Variants in SDHAF2 observed in about 807,000 individuals in gnomAD.
SDHAF2 encodes the protein succinate dehydrogenase assembly factor 2, mitochondrial.
SDHAF2 carries 21 observed loss-of-function variants against 18.5 expected under a neutral mutation model. That is an observed-to-expected ratio of 1.13 (90% CI 0.80 to 1.63). The LOEUF (loss-of-function observed/expected upper bound fraction) is 1.63, where lower values mean the gene tolerates loss of function less well. Among genes scored for constraint, SDHAF2 ranks in the 40% most tolerant of loss-of-function variants. The pLI, the probability that SDHAF2 is intolerant of heterozygous loss-of-function variation, is 0.00. For missense variants in SDHAF2, 195 were observed against 200.3 expected (o/e 0.97, Z 0.16); for synonymous variants, 84 against 70.7 (o/e 1.19, Z -0.94).
At chr11:61,430,266 G>C in intron 1 of SDHAF2, 84 bp downstream of exon 1, 1 of 1,568,654 alleles carries the variant, frequency 6.4e-7, no homozygotes, top group Non-Finnish European at 8.8e-7. Context: ...CTATCTTGGG[G>C]AGAGTTCGTC....
At chr11:61,438,933 A>C (rs576534869) in intron 3 of SDHAF2, among the ~76,000 whole-genome samples, 1 of 152,222 alleles carries the variant, frequency 6.6e-6, no homozygotes, top group South Asian at 2.1e-4. Context: ...AGTCTCAGCT[A>C]CTTGGGAGGC....
intron 2 of SDHAF2, 76 bp from the exon 3 acceptor site, chr11:61,437,928 G>T: frequency 6.4e-6 from 10 of 1,554,134 alleles, no homozygotes; most frequent in Non-Finnish European, 8.0e-6. Flanking sequence ...CCAGGAGTAG[G>T]AGTCTTGGTG....
intron 3 of SDHAF2, among the ~76,000 whole-genome samples, chr11:61,442,521 T>C (rs1334788657): frequency 6.6e-6 from 1 of 152,228 alleles, no homozygotes; most frequent in Non-Finnish European, 1.5e-5. Flanking sequence ...TTCAATATTA[T>C]ATACATAGGT....
Position 61,438,221 on chromosome 11 carries a change from CT to C in SDHAF2, c.370+109del, listed in dbSNP as rs748245179. 2.5e-5 allele frequency: 20 copies of C among 815,386 alleles called. 1 individual carries two copies. The South Asian group carries it at 2.9e-4, about 12-fold the overall frequency. The allele number at this position is 815,386 out of a possible 1,614,324, so 50.5% of individuals were successfully genotyped here. A position where few individuals can be genotyped will look rare whatever the true frequency, so the allele number is the denominator to read the frequency against. On this transcript the variant is annotated intron_variant, in intron 3 of 3. Transcript: ENST00000301761. ...TTTTCTTTCTTTTTTTTTTTTGAGA[CT>C]GAGTTTCACTCTCGTTGCCCAGGCT...
At chr11:61,438,922 C>T (rs967909972) in intron 3 of SDHAF2, among the ~76,000 whole-genome samples, 6 of 151,954 alleles carry the variant, frequency 3.9e-5, no homozygotes, top group African/African-American at 1.5e-4. Flanking sequence ...CGGACAACTG[C>T]AGTCTCAGCT....
At chr11:61,432,216 A>G (rs960743938) in intron 1 of SDHAF2, 1 of 152,094 alleles carries the variant, frequency 6.6e-6, no homozygotes, top group South Asian at 2.1e-4. Flanking sequence ...TTGCAACAGC[A>G]CTCCAGCCTG....
At chr11:61,440,151 C>G (rs902004652) in intron 3 of SDHAF2, among the ~76,000 whole-genome samples, 5 of 151,892 alleles carry the variant, frequency 3.3e-5, no homozygotes, top group Admixed American at 2.6e-4. Context: ...CCCGTCTCTA[C>G]TAAAAATGCA....
intron 3 of SDHAF2, among the ~76,000 whole-genome samples, chr11:61,441,699 A>G (rs1862067364): frequency 6.6e-6 from 1 of 152,110 alleles, no homozygotes; most frequent in Non-Finnish European, 1.5e-5. Flanking sequence ...CTTTACCCAC[A>G]CTTTGTATTA....
intron 1 of SDHAF2, chr11:61,432,604 G>C (rs1373357550): frequency 6.6e-6 from 1 of 152,064 alleles, no homozygotes; most frequent in Non-Finnish European, 1.5e-5. Context: ...GGCCAACTGT[G>C]CTTGCTGTTG....
At chr11:61,444,830 A>G (rs1311797533) in intron 3 of SDHAF2, among the ~76,000 whole-genome samples, 1 of 152,170 alleles carries the variant, frequency 6.6e-6, no homozygotes, top group Non-Finnish European at 1.5e-5. Flanking sequence ...GCCACAGGTG[A>G]GCAAGTGCAT....
intron 3 of SDHAF2, 186 bp downstream of exon 3, chr11:61,438,299 A>G: frequency 1.6e-6 from 1 of 639,708 alleles, no homozygotes; most frequent in Non-Finnish European, 2.8e-6. Flanking sequence ...TTCCAGGTTC[A>G]AGCGATTCTC....
intron 1 of SDHAF2, chr11:61,434,023 G>A (rs1463591551): frequency 3.3e-5 from 5 of 152,234 alleles, no homozygotes; most frequent in Non-Finnish European, 5.9e-5. Context: ...AGGTAGCTGG[G>A]ACTATAGGGT....
At chr11:61,430,355 T>G in intron 1 of SDHAF2, 173 bp downstream of exon 1, 1 of 756,134 alleles carries the variant, frequency 1.3e-6, no homozygotes, top group Non-Finnish European at 2.2e-6. Flanking sequence ...GCTTCCATTC[T>G]TTGGTGAGCC....
At chr11:61,440,630 T>C (rs1206897293) in intron 3 of SDHAF2, among the ~76,000 whole-genome samples, 1 of 152,092 alleles carries the variant, frequency 6.6e-6, no homozygotes, top group Non-Finnish European at 1.5e-5. Flanking sequence ...TTTTAGTACA[T>C]TTTTTCTGTA....
chr11:61,437,223 C>G (rs1251442975), intron 1 of SDHAF2, among the ~76,000 whole-genome samples: 1 of 152,106 alleles, frequency 6.6e-6, no homozygotes, highest in Admixed American at 6.6e-5. Context: ...GGATAGGGTC[C>G]GTTGCCCAGG....
intron 3 of SDHAF2, among the ~76,000 whole-genome samples, chr11:61,440,886 A>AT (rs1261285236): frequency 3.9e-5 from 6 of 151,958 alleles, no homozygotes; most frequent in African/African-American, 9.7e-5. Context: ...TATACATTTG[A>AT]TTTTTTTTCC....
rs777927167 is a variant in SDHAF2 at position 61,437,846 on chromosome 11, T to C, written c.258T>C (p.Leu86=). Reference sequence around the variant, plus strand: ...GAATGTTGGAAAACTGCATTCTTCTTAGGTATGGGACTAGGAGTCTTTTTT... The same window carrying C: ...GAATGTTGGAAAACTGCATTCTTCTCAGGTATGGGACTAGGAGTCTTTTTT... ...KRGMLENCIL[L]SLFAKEHLQH... is the part of the protein sequence containing the mutation. The change falls in exon 2 of 4, where the codon CTT becomes CTC. Residue 86 remains leucine (L), a splice_region_variant and synonymous_variant. Coordinates refer to ENST00000301761, the MANE Select transcript of SDHAF2 (RefSeq NM_017841.4). The C allele has an allele frequency of 1.2e-6, 2 of 1,613,038 alleles. No homozygotes were observed. Among genetic ancestry groups the C allele is most frequent in the Non-Finnish European group, 8.5e-7 (1 of 1,179,554 alleles).
chr11:61,445,510 A>G (rs988157078), intron 3 of SDHAF2, among the ~76,000 whole-genome samples: 5 of 152,246 alleles, frequency 3.3e-5, no homozygotes, highest in African/African-American at 1.2e-4. Flanking sequence ...CAAGAGATAT[A>G]TACATTGCAA....
At chr11:61,435,509 T>C (rs1437074270) in intron 1 of SDHAF2, 1 of 152,242 alleles carries the variant, frequency 6.6e-6, no homozygotes, top group Non-Finnish European at 1.5e-5. Flanking sequence ...CTGTCTCTCC[T>C]GGTCTTTGTA....
Sources: gnomAD v4.1 joint callset for allele counts (sites outside exome capture counted in the v4.1 genomes callset) on GRCh38, gnomAD v4.1.1 for gene constraint, MANE v1.5 for transcripts, NCBI Gene and HGNC (gene_info 2026-07-23, HGNC 2026-07-21) for gene names.